Variants in LRBA observed in about 807,000 individuals in gnomAD.
LRBA encodes the protein lipopolysaccharide-responsive and beige-like anchor protein.
LRBA carries 176 observed loss-of-function variants against 330.0 expected under a neutral mutation model. The ratio of observed to expected loss-of-function variants is 0.53; its 90% confidence interval spans 0.47 to 0.60. The LOEUF (loss-of-function observed/expected upper bound fraction) is 0.60. LRBA is among the 20% of genes least tolerant of loss of function. The pLI, the probability that LRBA is intolerant of heterozygous loss-of-function variation, is 0.00. For synonymous variants in LRBA, 1,230 were observed against 1,193.0 expected, an observed-to-expected ratio of 1.03 and a Z score of -0.64; for missense variants, 3,259 against 3,444.8, an observed-to-expected ratio of 0.95 and a Z score of 1.35.
intron 34 of LRBA, among the ~76,000 whole-genome samples, chr4:150,774,358 C>T (rs1229927749): frequency 3.3e-5 from 5 of 152,140 alleles, no homozygotes; most frequent in Non-Finnish European, 5.9e-5. Context: ...GACTGACCAC[C>T]CAGCCGAGAC....
intron 40 of LRBA, among the ~76,000 whole-genome samples, chr4:150,525,532 A>G (rs1763370877): frequency 6.6e-6 from 1 of 152,174 alleles, no homozygotes; most frequent in African/African-American, 2.4e-5. Context: ...ACAGATCTCT[A>G]GAACAAATAC....
intron 36 of LRBA, among the ~76,000 whole-genome samples, chr4:150,716,068 A>C (rs1728162662): frequency 6.6e-6 from 1 of 152,190 alleles, no homozygotes; most frequent in Non-Finnish European, 1.5e-5. Flanking sequence ...GTTAAGATTT[A>C]AGAAGTGGAA....
chr4:150,734,162 G>A (rs573377108), intron 36 of LRBA, among the ~76,000 whole-genome samples: 5 of 151,752 alleles, frequency 3.3e-5, no homozygotes, highest in East Asian at 3.9e-4. Context: ...GTTTTAATAC[G>A]GCTGGCAGCT....
At chr4:150,431,851 T>A (rs1750425976) in intron 46 of LRBA, among the ~76,000 whole-genome samples, 1 of 152,214 alleles carries the variant, frequency 6.6e-6, no homozygotes, top group Non-Finnish European at 1.5e-5. Flanking sequence ...TCACCAATGA[T>A]GCAGAGAAAT....
intron 47 of LRBA, among the ~76,000 whole-genome samples, chr4:150,384,663 G>A (rs1454424014): frequency 6.6e-6 from 1 of 152,038 alleles, no homozygotes; most frequent in Non-Finnish European, 1.5e-5. Context: ...AATTGTGGAG[G>A]TAGAGTAAAA....
chr4:150,484,058 T>G (rs1469017911), intron 42 of LRBA, among the ~76,000 whole-genome samples: 4 of 152,010 alleles, frequency 2.6e-5, no homozygotes, highest in Non-Finnish European at 5.9e-5. Context: ...TCCCTGGGAC[T>G]TTCCACATAA....
chr4:150,429,589 T>C (rs1561165271), intron 46 of LRBA, among the ~76,000 whole-genome samples: 2 of 152,110 alleles, frequency 1.3e-5, no homozygotes, highest in Admixed American at 6.5e-5. Flanking sequence ...AGTTTATATA[T>C]TCAAATGGAG....
At chr4:150,974,117 T>C (rs928771081) in intron 2 of LRBA, among the ~76,000 whole-genome samples, 1 of 152,024 alleles carries the variant, frequency 6.6e-6, no homozygotes, top group East Asian at 1.9e-4. Context: ...ACAAAATACA[T>C]AAAACAATTC....
At chr4:151,006,385 G>A (rs1744079363) in intron 2 of LRBA, among the ~76,000 whole-genome samples, 1 of 152,010 alleles carries the variant, frequency 6.6e-6, no homozygotes, top group African/African-American at 2.4e-5. Flanking sequence ...GCTTCCTAAA[G>A]ATTGTACTTT....
At chr4:150,317,809 G>C (rs904992147) in intron 50 of LRBA, among the ~76,000 whole-genome samples, 1 of 152,124 alleles carries the variant, frequency 6.6e-6, no homozygotes, top group Non-Finnish European at 1.5e-5. Context: ...GTCAAGTTAT[G>C]TAATCTCTAT....
chr4:150,289,826 A>G (rs1748617289), intron 53 of LRBA, among the ~76,000 whole-genome samples: 2 of 152,216 alleles, frequency 1.3e-5, no homozygotes. Flanking sequence ...ACACTTCAAT[A>G]TAGCAGATAT....
At chr4:150,561,902 A>G (rs375314070) in intron 40 of LRBA, among the ~76,000 whole-genome samples, 1 of 152,228 alleles carries the variant, frequency 6.6e-6, no homozygotes, top group South Asian at 2.1e-4. Flanking sequence ...CCTACCTCCA[A>G]GCATATATAG....
chr4:150,310,602 A>C, intron 51 of LRBA: 1 of 460,552 alleles, frequency 2.2e-6, no homozygotes, highest in South Asian at 3.8e-5. Flanking sequence ...AGAGGAAAGA[A>C]AGAATAACAC....
At chr4:150,748,264 C>T (rs1407668337) in intron 35 of LRBA, among the ~76,000 whole-genome samples, 1 of 152,218 alleles carries the variant, frequency 6.6e-6, no homozygotes, top group Non-Finnish European at 1.5e-5. Flanking sequence ...TCAGTAATAT[C>T]TTCACTGACT....
chr4:150,352,844 T>A (rs1184486579), intron 47 of LRBA, among the ~76,000 whole-genome samples: 1 of 152,230 alleles, frequency 6.6e-6, no homozygotes, highest in Non-Finnish European at 1.5e-5. Flanking sequence ...GCCCTAAATA[T>A]GTTCAAATTA....
intron 44 of LRBA, among the ~76,000 whole-genome samples, chr4:150,464,958 C>A (rs1160791789): frequency 6.6e-6 from 1 of 152,050 alleles, no homozygotes; most frequent in Non-Finnish European, 1.5e-5. Flanking sequence ...AATACATTCA[C>A]ATTGTTGAAC....
chr4:150,953,119 TG>T (rs1216377100), intron 2 of LRBA, among the ~76,000 whole-genome samples: 1 of 152,214 alleles, frequency 6.6e-6, no homozygotes, highest in Non-Finnish European at 1.5e-5. Flanking sequence ...AGAGCGTATC[TG>T]AAGAGTTCTG....
chr4:150,443,462 T>C (rs972210236), intron 44 of LRBA, among the ~76,000 whole-genome samples: 6 of 152,000 alleles, frequency 3.9e-5, no homozygotes, highest in Non-Finnish European at 7.4e-5. Flanking sequence ...TGTCCAACAA[T>C]AATAGACTGG....
chr4:150,314,235 G>C (rs1317657844), intron 51 of LRBA, among the ~76,000 whole-genome samples: 1 of 151,934 alleles, frequency 6.6e-6, no homozygotes. Flanking sequence ...CAGCAAATGG[G>C]CTTTATTATT....
Sources: gnomAD v4.1 joint callset for allele counts (sites outside exome capture counted in the v4.1 genomes callset) on GRCh38, gnomAD v4.1.1 for gene constraint, MANE v1.5 for transcripts, NCBI Gene and HGNC (gene_info 2026-07-23, HGNC 2026-07-21) for gene names.